ARL15: variants seen among roughly 807,000 people sequenced by gnomAD.
The protein encoded by ARL15 is ADP-ribosylation factor-like protein 15.
ARL15 carries 19 observed loss-of-function variants against 25.2 expected under a neutral mutation model. The ratio of observed to expected loss-of-function variants is 0.75; its 90% confidence interval spans 0.53 to 1.10. The LOEUF is 1.10. ARL15 is among the 50% of genes least tolerant of loss of function. The pLI is 0.00. For missense variants in ARL15, 220 were observed against 246.0 expected, an observed-to-expected ratio of 0.89 and a Z score of 0.71; for synonymous variants, 94 against 86.8, an observed-to-expected ratio of 1.08 and a Z score of -0.46.
intron 4 of ARL15, among the ~76,000 whole-genome samples, chr5:54,055,781 C>A (rs560062002): frequency 2.0e-5 from 3 of 152,104 alleles, no homozygotes; most frequent in African/African-American, 4.8e-5. Flanking sequence ...CCCTTCAATG[C>A]CCAGATCAGA....
chr5:54,242,709 C>T (rs1756991739), intron 1 of ARL15, among the ~76,000 whole-genome samples: 1 of 152,134 alleles, frequency 6.6e-6, no homozygotes. Context: ...GACCTGAAAA[C>T]GGGGTTAGGT....
At chr5:54,289,929 C>T (rs1310781835) in intron 1 of ARL15, among the ~76,000 whole-genome samples, 1 of 152,110 alleles carries the variant, frequency 6.6e-6, no homozygotes, top group Non-Finnish European at 1.5e-5. Context: ...TAATGGGGCC[C>T]CACACACCAG....
In ARL15 at chr5:53,895,550, GC is replaced by G. The variant is rs529757166; in HGVS notation, c.463-8838del. Among the ~76,000 whole-genome samples the G allele has an allele frequency of 4.8e-3, 723 of 152,182 alleles. 9 individuals are homozygous for G. Among genetic ancestry groups the G allele is most frequent in the African/African-American group, 0.017 (688 of 41,518 alleles). ...GAGGTTTTTGGTGCCCTTGAGGATG[GC>G]TTTTGGTGCACAGCAATACTAGTTA... On this transcript the variant is annotated intron_variant, in intron 4 of 4. Coordinates refer to ENST00000504924, the MANE Select transcript of ARL15 (RefSeq NM_019087.3).
chr5:54,145,873 GGTTT>G (rs368378343), intron 3 of ARL15, among the ~76,000 whole-genome samples: 474 of 152,222 alleles, frequency 3.1e-3, no homozygotes, highest in African/African-American at 0.011. Context: ...TTAAGATTAT[GGTTT>G]GTTTTTCAAT....
At chr5:54,283,132 A>C (rs1339661444) in intron 1 of ARL15, among the ~76,000 whole-genome samples, 3 of 152,210 alleles carry the variant, frequency 2.0e-5, no homozygotes. Context: ...GGTTTTATCC[A>C]TTGTGGCAAG....
chr5:54,012,016 A>G (rs950872738), intron 4 of ARL15, among the ~76,000 whole-genome samples: 11 of 152,220 alleles, frequency 7.2e-5, no homozygotes, highest in Non-Finnish European at 1.6e-4. Flanking sequence ...TCAAAAAAAA[A>G]AGAGCATAAA....
At chr5:54,063,124 G>GA (rs1284194091) in intron 4 of ARL15, among the ~76,000 whole-genome samples, 3 of 151,492 alleles carry the variant, frequency 2.0e-5, no homozygotes, top group East Asian at 3.9e-4. Context: ...AGAGAGGGGG[G>GA]AAAAACCCCT....
intron 4 of ARL15, among the ~76,000 whole-genome samples, chr5:53,989,702 T>C (rs1748420081): frequency 6.6e-6 from 1 of 152,078 alleles, no homozygotes; most frequent in African/African-American, 2.4e-5. Flanking sequence ...GACGATAACT[T>C]TTCTCTGTAG....
intron 4 of ARL15, among the ~76,000 whole-genome samples, chr5:54,083,944 C>T (rs1251185229): frequency 6.6e-6 from 1 of 152,106 alleles, no homozygotes; most frequent in Non-Finnish European, 1.5e-5. Context: ...GAGAATTAAT[C>T]ATACAGAAAA....
At chr5:54,303,734 A>AGAGGG in intron 1 of ARL15, among the ~76,000 whole-genome samples, 1 of 136,166 alleles carries the variant, frequency 7.3e-6, no homozygotes, top group South Asian at 2.5e-4. Context: ...AAGAAAAAGG[A>AGAGGG]GAGGGGAGGG....
intron 4 of ARL15, among the ~76,000 whole-genome samples, chr5:54,095,912 T>C (rs1162471086): frequency 2.0e-5 from 3 of 152,110 alleles, no homozygotes; most frequent in African/African-American, 7.2e-5. Flanking sequence ...TAATAAAATG[T>C]TTTTGTTATT....
intron 3 of ARL15, among the ~76,000 whole-genome samples, chr5:54,121,024 G>A (rs185182343): frequency 1.1e-4 from 16 of 152,084 alleles, no homozygotes; most frequent in Non-Finnish European, 1.8e-4. Context: ...ACAAACTCAC[G>A]GAAAAAGTTA....
chr5:54,173,802 A>G (rs1244053346), intron 1 of ARL15, among the ~76,000 whole-genome samples: 1 of 151,532 alleles, frequency 6.6e-6, no homozygotes, highest in African/African-American at 2.4e-5. Flanking sequence ...ACCATGGTCT[A>G]CCCCACACTC....
At chr5:54,044,985 TTTC>T (rs1476170666) in intron 4 of ARL15, among the ~76,000 whole-genome samples, 2 of 152,156 alleles carry the variant, frequency 1.3e-5, no homozygotes, top group African/African-American at 4.8e-5. Context: ...ATTTTAGAAG[TTTC>T]TTCAACTCAG....
intron 4 of ARL15, among the ~76,000 whole-genome samples, chr5:53,966,958 C>G (rs539664893): frequency 2.0e-5 from 3 of 152,084 alleles, no homozygotes; most frequent in Non-Finnish European, 4.4e-5. Context: ...CTTTAGGGCA[C>G]TAGTTCAATA....
chr5:54,278,137 T>C (rs748707962), intron 1 of ARL15, among the ~76,000 whole-genome samples: 18 of 152,226 alleles, frequency 1.2e-4, no homozygotes, highest in Admixed American at 2.6e-4. Flanking sequence ...CCATTGTGCT[T>C]CTGGCTCCAT....
chr5:54,277,256 C>T (rs1285356986), intron 1 of ARL15, among the ~76,000 whole-genome samples: 1 of 151,922 alleles, frequency 6.6e-6, no homozygotes, highest in African/African-American at 2.4e-5. Context: ...AGGTAGCTCT[C>T]CCTGCCTCCC....
At chr5:54,213,041 T>C (rs141579078) in intron 1 of ARL15, among the ~76,000 whole-genome samples, 1 of 152,336 alleles carries the variant, frequency 6.6e-6, no homozygotes, top group African/African-American at 2.4e-5. Flanking sequence ...CATAGCATAA[T>C]GTATCCAGTT....
At chr5:54,222,587 A>G (rs1052679009) in intron 1 of ARL15, among the ~76,000 whole-genome samples, 1 of 152,214 alleles carries the variant, frequency 6.6e-6, no homozygotes, top group African/African-American at 2.4e-5. Context: ...CTTAAATGGT[A>G]TGAAAGTATT....
Sources: gnomAD v4.1 joint callset for allele counts (sites outside exome capture counted in the v4.1 genomes callset) on GRCh38, gnomAD v4.1.1 for gene constraint, MANE v1.5 for transcripts, NCBI Gene and HGNC (gene_info 2026-07-23, HGNC 2026-07-21) for gene names.